The following MICAL3 variants were observed in gnomAD, a reference collection of about 807,000 sequenced individuals.
MICAL3 encodes the protein microtubule associated monooxygenase, calponin and LIM domain containing 3, also known as [F-actin]-monooxygenase MICAL3.
In MICAL3, 62 loss-of-function variants were observed where a neutral mutation model predicts 207.4. The ratio of observed to expected loss-of-function variants is 0.30; its 90% CI spans 0.24 to 0.37. The LOEUF (loss-of-function observed/expected upper bound fraction) is 0.37. Among genes scored for constraint, MICAL3 ranks in the 10% least tolerant of loss-of-function variants. The pLI is 1.00. For synonymous variants in MICAL3, 1,077 were observed against 1,069.3 expected (o/e 1.01, Z -0.14); for missense variants, 2,368 against 2,635.6 (o/e 0.90, Z 2.22).
chr22:17,856,271 G>T (rs902750560), intron 19 of MICAL3, among the ~76,000 whole-genome samples: 1 of 152,226 alleles, frequency 6.6e-6, no homozygotes, highest in African/African-American at 2.4e-5. Context: ...TTTTATTTGG[G>T]GAAAGTATTT....
At chr22:17,926,657 T>C (rs941575678) in intron 1 of MICAL3, among the ~76,000 whole-genome samples, 1 of 152,220 alleles carries the variant, frequency 6.6e-6, no homozygotes, top group African/African-American at 2.4e-5. Context: ...AAGTCAGAAC[T>C]CCAGGTGTTG....
In MICAL3 at chr22:17,832,085, C is replaced by T. The variant is rs964511708; in HGVS notation, c.2824G>A (p.Glu942Lys). The change falls in exon 21 of 32, where the codon GAG (glutamate) becomes AAG (lysine). Residue 942 changes from glutamate to lysine, a missense_variant. By Grantham distance (56) the Glu-to-Lys change is moderately conservative. This residue lies in a region of MICAL3 where 1,770 missense variants were observed against 1,863.2 expected (regional missense o/e 0.95). Transcript: ENST00000441493. Reference sequence around the variant, plus strand: ...TCCTCCTCCTCCTCCTCTCCCTCCTCCTCCATCTCAGACTCGGAACTACTG... The same window carrying T: ...TCCTCCTCCTCCTCCTCTCCCTCCTTCTCCATCTCAGACTCGGAACTACTG... The part of the protein sequence containing the change: ...ASSSSESEME[E>K]EGEEEEEEPR... The T allele has an allele frequency of 9.9e-5, 157 of 1,580,580 alleles. No homozygotes were observed. Among genetic ancestry groups the T allele is most frequent in the Non-Finnish European group, 1.3e-4 (147 of 1,163,216 alleles).
chr22:17,832,240 G>A (rs1922881040), intron 20 of MICAL3, 133 bp from the exon 21 acceptor site: 1 of 1,198,184 alleles, frequency 8.3e-7, no homozygotes, highest in South Asian at 1.5e-5. Flanking sequence ...AGACAGGAGG[G>A]AGGAGAGAGC....
At chr22:17,825,569 G>T (rs1458914134) in intron 22 of MICAL3, among the ~76,000 whole-genome samples, 1 of 152,172 alleles carries the variant, frequency 6.6e-6, no homozygotes, top group African/African-American at 2.4e-5. Flanking sequence ...GTGTGTGCCT[G>T]TTTCTCCCAC....
At chr22:17,925,738 T>G (rs1052668826) in intron 1 of MICAL3, among the ~76,000 whole-genome samples, 3 of 152,174 alleles carry the variant, frequency 2.0e-5, no homozygotes, top group African/African-American at 7.2e-5. Context: ...TGTCCATGTT[T>G]TCCCGGCACC....
At chr22:17,981,150 A>T (rs1935890692) in intron 1 of MICAL3, among the ~76,000 whole-genome samples, 1 of 152,272 alleles carries the variant, frequency 6.6e-6, no homozygotes, top group Admixed American at 6.5e-5. Context: ...TGGTAATAAC[A>T]TATACAATAC....
At chr22:17,851,747 G>A (rs948505501) in intron 19 of MICAL3, among the ~76,000 whole-genome samples, 6 of 152,238 alleles carry the variant, frequency 3.9e-5, no homozygotes, top group Non-Finnish European at 5.9e-5. Context: ...CAGCACTCAG[G>A]AGAGAAATTC....
chr22:17,918,417 A>G (rs2146292317), intron 1 of MICAL3, among the ~76,000 whole-genome samples: 1 of 152,334 alleles, frequency 6.6e-6, no homozygotes, highest in African/African-American at 2.4e-5. Flanking sequence ...ACTTTCCAAG[A>G]CAGAAATTCA....
chr22:17,967,532 A>G lies in MICAL3; in HGVS notation c.-75+56749T>C, dbSNP rs558684615. ...CTCATGCCTACAGCATGGGGATCCCACTGACAACAGCTCAGAAGAGAGGTA... is the reference window on the plus strand; with the variant it reads ...CTCATGCCTACAGCATGGGGATCCCGCTGACAACAGCTCAGAAGAGAGGTA... On this transcript the variant is annotated intron_variant, in intron 1 of 31. Coordinates refer to ENST00000441493, the MANE Select transcript of MICAL3 (RefSeq NM_015241.3). 2.6e-5 allele frequency among the ~76,000 whole-genome samples: 4 copies of G among 152,084 alleles called. 1 individual carries two copies. The East Asian group carries it at 7.7e-4, about 29-fold the overall frequency.
chr22:17,851,776 C>T (rs529038346), intron 19 of MICAL3, among the ~76,000 whole-genome samples: 1 of 152,302 alleles, frequency 6.6e-6, no homozygotes, highest in East Asian at 1.9e-4. Context: ...ACGCCAATGG[C>T]ACAGAGGACA....
chr22:18,000,558 G>C (rs1350342336), intron 1 of MICAL3, among the ~76,000 whole-genome samples: 1 of 152,202 alleles, frequency 6.6e-6, no homozygotes, highest in South Asian at 2.1e-4. Context: ...CCAGGCGGAG[G>C]GTCTCGCTGC....
rs756879613 is a variant in MICAL3, at chr22:17,818,994, T to C, written c.3667A>G (p.Ile1223Val). The change falls in exon 26 of 32, where the codon ATC becomes GTC. Residue 1223 changes from isoleucine to valine, a missense_variant. Around this residue, in one of 4 missense-constraint regions of MICAL3, gnomAD observed 1,770 missense variants for 1,863.2 expected, o/e 0.95. Transcript: ENST00000441493. ...PSDLKAVHSP[I>V]RSQPVTLPEA... ...GGCAGGGTCACTGGCTGTGATCGGA[T>C]GGGAGAGTGCACAGCTTTCAGATCC... The C allele has an allele frequency of 1.2e-6, 2 of 1,609,718 alleles. No individual in the cohort carries two copies. Among genetic ancestry groups the C allele is most frequent in the Non-Finnish European group, 1.7e-6 (2 of 1,178,172 alleles).
chr22:17,870,880 C>A (rs1208316566), intron 17 of MICAL3, among the ~76,000 whole-genome samples: 1 of 152,188 alleles, frequency 6.6e-6, no homozygotes, highest in African/African-American at 2.4e-5. Flanking sequence ...CTTCCTTGCT[C>A]CTTCTAACAG....
chr22:17,922,045 C>T (rs997763600), intron 1 of MICAL3, among the ~76,000 whole-genome samples: 2 of 152,172 alleles, frequency 1.3e-5, no homozygotes, highest in Admixed American at 1.3e-4. Context: ...AACGCCCCTC[C>T]TGCACTTGAG....
Position 17,822,964 on chromosome 22 carries a change from C to T in MICAL3, c.3290G>A (p.Gly1097Asp). The T allele has an allele frequency of 6.2e-7, 1 of 1,612,428 alleles. No homozygotes were observed. ...AAEDGDPGDTGAELDDDQHWS... is the reference protein window; with the variant it reads ...AAEDGDPGDTDAELDDDQHWS... ...ACCCCTACCATCATCCAGCTCAGCA[C>T]CAGTGTCCCCTGGGTCCCCATCCTC... The change falls in exon 23 of 32, where the codon GGT (glycine) becomes GAT (aspartate). Residue 1097 changes from glycine to aspartate, a missense_variant. By Grantham distance (94) the Gly-to-Asp change is moderately conservative. Coordinates refer to ENST00000441493, the MANE Select transcript of MICAL3 (RefSeq NM_015241.3).
chr22:17,832,211 C>A (rs1922877877), intron 20 of MICAL3, 104 bp from the exon 21 acceptor site: 2 of 1,411,926 alleles, frequency 1.4e-6, no homozygotes, highest in South Asian at 2.7e-5. Context: ...GGCAAAGCAG[C>A]TGCTGAGCAG....
At chr22:17,915,998 A>T (rs926679775) in intron 1 of MICAL3, among the ~76,000 whole-genome samples, 2 of 138,328 alleles carry the variant, frequency 1.4e-5, no homozygotes, top group African/African-American at 5.3e-5. Flanking sequence ...TCGAGGCTGC[A>T]GTGAACCATG....
At chr22:17,950,071 A>G (rs1327552170) in intron 1 of MICAL3, among the ~76,000 whole-genome samples, 3 of 152,214 alleles carry the variant, frequency 2.0e-5, no homozygotes, top group Non-Finnish European at 4.4e-5. Flanking sequence ...GCAGTGTGTC[A>G]TCAGGAAGAG....
At chr22:17,884,312 C>A (rs760886803) in intron 16 of MICAL3, 1 of 1,590,926 alleles carries the variant, frequency 6.3e-7, no homozygotes, top group South Asian at 1.1e-5. Context: ...GCGAACCTGC[C>A]CAGGCAGGCA....
Sources: gnomAD v4.1 joint callset for allele counts (sites outside exome capture counted in the v4.1 genomes callset) on GRCh38, gnomAD v4.1.1 for gene constraint, gnomAD v4.1.1 regional missense constraint, MANE v1.5 for transcripts, NCBI Gene and HGNC (gene_info 2026-07-23, HGNC 2026-07-21) for gene names.